Variants in STARD3NL observed in about 807,000 individuals in gnomAD.
STARD3NL encodes the protein STARD3 N-terminal-like protein.
Under a neutral mutation model 30.9 loss-of-function variants are expected in STARD3NL, and 17 were observed. The ratio of observed to expected loss-of-function variants is 0.55; its 90% CI spans 0.38 to 0.82. The LOEUF (loss-of-function observed/expected upper bound fraction) is 0.82, where lower values mean the gene tolerates loss of function less well. Ranked by LOEUF, STARD3NL falls within the 40% of genes least tolerant of loss-of-function variation. STARD3NL has a pLI of 0.00. For missense variants in STARD3NL, 234 were observed against 277.6 expected, an observed-to-expected ratio of 0.84 and a Z score of 1.12; for synonymous variants, 112 against 100.5, an observed-to-expected ratio of 1.11 and a Z score of -0.69.
chr7:38,226,454 C>T (rs1441405183), intron 7 of STARD3NL, among the ~76,000 whole-genome samples: 1 of 152,188 alleles, frequency 6.6e-6, no homozygotes, highest in Non-Finnish European at 1.5e-5. Flanking sequence ...AGTGATTACA[C>T]AGAGGATTGC....
chr7:38,196,328 T>C (rs1784896088), intron 1 of STARD3NL, among the ~76,000 whole-genome samples: 1 of 152,190 alleles, frequency 6.6e-6, no homozygotes, highest in South Asian at 2.1e-4. Context: ...ACATTCCCTC[T>C]TCTCCTCTTT....
intron 6 of STARD3NL, among the ~76,000 whole-genome samples, chr7:38,219,291 C>T (rs1307547775): frequency 6.6e-6 from 1 of 152,180 alleles, no homozygotes; most frequent in Non-Finnish European, 1.5e-5. Context: ...AAGCGATCCT[C>T]CATCCTTGGC....
chr7:38,218,300 A>G (rs1260209247), intron 6 of STARD3NL, among the ~76,000 whole-genome samples: 1 of 152,242 alleles, frequency 6.6e-6, no homozygotes, highest in Non-Finnish European at 1.5e-5. Flanking sequence ...TAATCTTGCA[A>G]GTGGTTTTAT....
chr7:38,197,182 T>TTCTTTCTTTCTTTCTC, intron 1 of STARD3NL, among the ~76,000 whole-genome samples: 1 of 148,786 alleles, frequency 6.7e-6, no homozygotes, highest in Non-Finnish European at 1.5e-5. Flanking sequence ...CTTTCTTTCT[T>TTCTTTCTTTCTTTCTC]TCTTTCTTTC....
chr7:38,215,306 C>T, intron 4 of STARD3NL: 1 of 541,842 alleles, frequency 1.8e-6, no homozygotes, highest in Non-Finnish European at 3.3e-6. Context: ...CTAGATTTGT[C>T]TCTTGGTGCT....
At chr7:38,229,374 G>A (rs923088843) in intron 8 of STARD3NL, among the ~76,000 whole-genome samples, 25 of 152,256 alleles carry the variant, frequency 1.6e-4, no homozygotes, top group Non-Finnish European at 2.6e-4. Flanking sequence ...CATTTCTCAA[G>A]GATTTTGGAG....
At chr7:38,183,786 G>A (rs1784340102) in intron 1 of STARD3NL, among the ~76,000 whole-genome samples, 1 of 152,136 alleles carries the variant, frequency 6.6e-6, no homozygotes, top group East Asian at 1.9e-4. Flanking sequence ...ATAAAACAGG[G>A]ACCTGACCTA....
chr7:38,187,616 A>G (rs1296968699), intron 1 of STARD3NL, among the ~76,000 whole-genome samples: 1 of 151,894 alleles, frequency 6.6e-6, no homozygotes, highest in Non-Finnish European at 1.5e-5. Context: ...CTGTTCTACA[A>G]ATAGATACAA....
At chr7:38,202,805 T>C (rs1785250583) in intron 1 of STARD3NL, among the ~76,000 whole-genome samples, 1 of 146,968 alleles carries the variant, frequency 6.8e-6, no homozygotes, top group African/African-American at 2.5e-5. Context: ...TTCCCACCTA[T>C]GAGTGAGAAC....
At chr7:38,202,733 C>A (rs1785246001) in intron 1 of STARD3NL, among the ~76,000 whole-genome samples, 1 of 119,626 alleles carries the variant, frequency 8.4e-6, no homozygotes, top group South Asian at 3.3e-4. Context: ...CTCCCCCCAC[C>A]CCACAACAGG....
At chr7:38,219,349 A>G (rs190691696) in intron 6 of STARD3NL, among the ~76,000 whole-genome samples, 143 of 152,332 alleles carry the variant, frequency 9.4e-4, no homozygotes, top group Non-Finnish European at 1.7e-3. Context: ...GCCCAGTCTC[A>G]TGAGGCACTT....
rs1471736730 is a variant in STARD3NL, at chr7:38,191,911, A to T, written c.-59+13491A>T. On this transcript the variant is annotated intron_variant, in intron 1 of 8. Transcript: ENST00000009041. ...TAGAATTAGCTTGTCAGTTTCTATTAAAAAAAAAAGCATGGTGGGATTATG... is the reference window on the plus strand; with the variant it reads ...TAGAATTAGCTTGTCAGTTTCTATTTAAAAAAAAAGCATGGTGGGATTATG... 6.2e-5 allele frequency among the ~76,000 whole-genome samples: 3 copies of T among 48,606 alleles called. No individual in the cohort carries two copies. The East Asian group carries it at 2.3e-3, about 38-fold the overall frequency. The allele number at this position is 48,606 out of a possible 152,430, so 31.9% of individuals were successfully genotyped here.
chr7:38,213,363 G>T (rs78092191), intron 2 of STARD3NL, among the ~76,000 whole-genome samples: 3 of 151,988 alleles, frequency 2.0e-5, no homozygotes, highest in African/African-American at 7.3e-5. Context: ...AGGGATTTTC[G>T]GGCACAGGAT....
At chr7:38,223,669 GATGATCATTTCT>G (rs993201724) in intron 7 of STARD3NL, among the ~76,000 whole-genome samples, 1 of 152,054 alleles carries the variant, frequency 6.6e-6, no homozygotes, top group African/African-American at 2.4e-5. Flanking sequence ...TTCTTGTTTA[GATGATCATTTCT>G]ATGATCACCC....
chr7:38,228,523 T>G (rs1786913554), intron 7 of STARD3NL, among the ~76,000 whole-genome samples: 1 of 152,236 alleles, frequency 6.6e-6, no homozygotes, highest in African/African-American at 2.4e-5. Flanking sequence ...GAATAGTGAT[T>G]GATAATAGTT....
At chr7:38,190,773 C>A (rs891579417) in intron 1 of STARD3NL, among the ~76,000 whole-genome samples, 1 of 152,108 alleles carries the variant, frequency 6.6e-6, no homozygotes, top group African/African-American at 2.4e-5. Flanking sequence ...GTATTCACAC[C>A]ACTATCCTTT....
intron 7 of STARD3NL, among the ~76,000 whole-genome samples, chr7:38,220,943 AAAAAG>A (rs139671679): frequency 0.52 from 78,545 of 150,886 alleles, 21,106 homozygotes; most frequent in African/African-American, 0.66. Flanking sequence ...GTCTCTATTA[AAAAAG>A]AAAAGAAAAG....
intron 8 of STARD3NL, among the ~76,000 whole-genome samples, chr7:38,229,545 C>G (rs1399936751): frequency 6.6e-6 from 1 of 152,230 alleles, no homozygotes; most frequent in Non-Finnish European, 1.5e-5. Flanking sequence ...ATCTGCCTGA[C>G]AGTTTAACCA....
chr7:38,184,504 AAG>A (rs1784376759), intron 1 of STARD3NL, among the ~76,000 whole-genome samples: 1 of 151,666 alleles, frequency 6.6e-6, no homozygotes, highest in Non-Finnish European at 1.5e-5. Context: ...GAGCGGGAGC[AAG>A]AGAGAGAAGG....
Sources: allele counts gnomAD v4.1 joint callset (sites outside exome capture counted in the v4.1 genomes callset), GRCh38; gene constraint gnomAD v4.1.1; transcripts MANE v1.5; gene names NCBI Gene and HGNC (gene_info 2026-07-23, HGNC 2026-07-21).